Variants in ADCY8 observed in about 807,000 individuals in gnomAD.
ADCY8 encodes the protein adenylate cyclase type 8.
A neutral mutation model predicts 119.7 loss-of-function variants in ADCY8; 51 were observed. That is an observed-to-expected ratio of 0.43 (90% CI 0.34 to 0.54). The LOEUF (loss-of-function observed/expected upper bound fraction) is 0.54. Among genes scored for constraint, ADCY8 ranks in the 20% least tolerant of loss-of-function variants. The probability of loss-of-function intolerance (pLI) is 0.03; values close to 1 mark genes in which losing one functional copy is unlikely to be tolerated. For synonymous variants in ADCY8, 665 were observed against 651.0 expected (o/e 1.02, Z -0.33); for missense variants, 1,383 against 1,598.8 (o/e 0.87, Z 2.30).
At chr8:130,926,775 C>T (rs7010900) in intron 5 of ADCY8, among the ~76,000 whole-genome samples, 6,337 of 152,124 alleles carry the variant, frequency 0.042, 414 homozygotes, top group African/African-American at 0.14. Flanking sequence ...ATAATCACCA[C>T]CTCTACTTCT....
At chr8:131,006,644 T>A (rs1823127478) in intron 1 of ADCY8, among the ~76,000 whole-genome samples, 1 of 152,200 alleles carries the variant, frequency 6.6e-6, no homozygotes, top group Admixed American at 6.5e-5. Flanking sequence ...TCACAATCCC[T>A]GGTGGCTTAG....
chr8:130,924,347 T>A (rs1195915167), intron 5 of ADCY8, among the ~76,000 whole-genome samples: 1 of 152,150 alleles, frequency 6.6e-6, no homozygotes, highest in Non-Finnish European at 1.5e-5. Flanking sequence ...CCACTGCTTA[T>A]CCATGAAGAA....
chr8:130,887,989 C>T (rs1430546456), intron 7 of ADCY8, among the ~76,000 whole-genome samples: 5 of 151,980 alleles, frequency 3.3e-5, no homozygotes, highest in Non-Finnish European at 7.4e-5. Context: ...TAGAATAGGG[C>T]TTTCTCTTTT....
chr8:130,824,242 T>C (rs985312435), intron 12 of ADCY8, among the ~76,000 whole-genome samples: 2 of 152,220 alleles, frequency 1.3e-5, no homozygotes, highest in African/African-American at 4.8e-5. Flanking sequence ...TCTGTTGTCA[T>C]AATAATGACT....
chr8:130,809,572 C>T (rs191727905), intron 14 of ADCY8, among the ~76,000 whole-genome samples: 4 of 101,312 alleles, frequency 3.9e-5, no homozygotes, highest in Non-Finnish European at 7.8e-5. Context: ...CCTCCACCTC[C>T]TTGACTGATT....
chr8:130,916,828 A>C (rs1820144623), intron 5 of ADCY8, among the ~76,000 whole-genome samples: 1 of 152,236 alleles, frequency 6.6e-6, no homozygotes, highest in South Asian at 2.1e-4. Flanking sequence ...GATTGCTGTT[A>C]ATAAATATGT....
At chr8:130,805,808 T>C (rs1236333432) in intron 14 of ADCY8, among the ~76,000 whole-genome samples, 2 of 152,178 alleles carry the variant, frequency 1.3e-5, no homozygotes, top group Non-Finnish European at 1.5e-5. Flanking sequence ...CTTTAGCTTC[T>C]TGTGGGGCAG....
chr8:130,912,006 C>T (rs953995356), intron 5 of ADCY8, among the ~76,000 whole-genome samples: 1 of 152,112 alleles, frequency 6.6e-6, no homozygotes, highest in Admixed American at 6.6e-5. Flanking sequence ...TTGTCTGAAC[C>T]TTGTGTTCCT....
chr8:130,806,944 C>T (rs909674548), intron 14 of ADCY8, among the ~76,000 whole-genome samples: 7 of 152,204 alleles, frequency 4.6e-5, no homozygotes, highest in Non-Finnish European at 1.0e-4. Context: ...CTTCACTCAA[C>T]TCACTCCAGT....
At chr8:131,003,228 A>ACACACACG (rs1823010765) in intron 1 of ADCY8, among the ~76,000 whole-genome samples, 1 of 151,632 alleles carries the variant, frequency 6.6e-6, no homozygotes, top group African/African-American at 2.4e-5. Flanking sequence ...ACACACACAC[A>ACACACACG]CACACACACA....
intron 2 of ADCY8, among the ~76,000 whole-genome samples, chr8:130,970,687 G>A (rs1821897388): frequency 6.6e-6 from 1 of 152,192 alleles, no homozygotes; most frequent in South Asian, 2.1e-4. Context: ...TATTGTGTTG[G>A]TTCCACTAGT....
chr8:130,861,073 TTATTC>T (rs1470118110), intron 9 of ADCY8, among the ~76,000 whole-genome samples: 1 of 152,238 alleles, frequency 6.6e-6, no homozygotes, highest in Non-Finnish European at 1.5e-5. Flanking sequence ...AGCGATGTGT[TTATTC>T]TTTCTTTAGC....
In ADCY8 at chr8:131,037,029, A is replaced by G. The variant is rs375919829; in HGVS notation, c.960+2345T>C. ...ATTCAAAAATCACAGATTCTTATAA[A>G]AAGCGATTTATTCTCTACTTCGTCC... On this transcript the variant is annotated intron_variant, in intron 1 of 17. Transcript: ENST00000286355. Among the ~76,000 whole-genome samples, 13 of 152,314 alleles carry G rather than the reference A, an allele frequency of 8.5e-5. No individual in the cohort carries two copies. In the East Asian group the frequency reaches 2.1e-3, roughly 25 times the overall value.
chr8:130,923,264 G>A (rs1315996358), intron 5 of ADCY8, among the ~76,000 whole-genome samples: 2 of 151,152 alleles, frequency 1.3e-5, no homozygotes, highest in Admixed American at 6.6e-5. Context: ...AGGGAAGGAA[G>A]GAATAGACAG....
intron 14 of ADCY8, among the ~76,000 whole-genome samples, chr8:130,812,327 T>A (rs941261560): frequency 6.6e-6 from 1 of 152,142 alleles, no homozygotes; most frequent in African/African-American, 2.4e-5. Flanking sequence ...ATACAACCCT[T>A]CCTCCTTCTA....
intron 8 of ADCY8, among the ~76,000 whole-genome samples, chr8:130,877,441 A>G (rs1818610293): frequency 6.6e-6 from 1 of 152,208 alleles, no homozygotes; most frequent in East Asian, 1.9e-4. Flanking sequence ...CCCAAGAATC[A>G]ATAGCATGAA....
chr8:130,909,122 T>C (rs1819892612), intron 6 of ADCY8, among the ~76,000 whole-genome samples: 1 of 152,142 alleles, frequency 6.6e-6, no homozygotes, highest in African/African-American at 2.4e-5. Context: ...TCTGAGATCT[T>C]ATTAGGTCCA....
At chr8:130,818,494 A>G (rs1816411725) in intron 13 of ADCY8, among the ~76,000 whole-genome samples, 1 of 152,206 alleles carries the variant, frequency 6.6e-6, no homozygotes, top group South Asian at 2.1e-4. Flanking sequence ...AGTGTTTGGC[A>G]TGTCATTTCC....
chr8:130,896,767 A>T (rs1353147839), intron 7 of ADCY8, among the ~76,000 whole-genome samples: 6 of 152,102 alleles, frequency 3.9e-5, no homozygotes, highest in Non-Finnish European at 7.4e-5. Context: ...AAGACGGTTC[A>T]CCAGGATAAG....
Sources: allele counts gnomAD v4.1 joint callset (sites outside exome capture counted in the v4.1 genomes callset), GRCh38; gene constraint gnomAD v4.1.1; transcripts MANE v1.5; gene names NCBI Gene and HGNC (gene_info 2026-07-23, HGNC 2026-07-21).